ROCK2: variants seen among roughly 807,000 people sequenced by gnomAD.
ROCK2 encodes Rho associated coiled-coil containing protein kinase 2.
A neutral mutation model predicts 195.1 loss-of-function variants in ROCK2; 61 were observed. The observed-to-expected ratio is 0.31, with a 90% CI of 0.25 to 0.39. The LOEUF is 0.39. ROCK2 is among the 10% of genes least tolerant of loss of function. The probability of loss-of-function intolerance (pLI) is 1.00; values close to 1 mark genes in which losing one functional copy is unlikely to be tolerated. For synonymous variants in ROCK2, 504 were observed against 545.5 expected, an observed-to-expected ratio of 0.92 and a Z score of 1.06; for missense variants, 1,109 against 1,637.4, an observed-to-expected ratio of 0.68 and a Z score of 5.57.
intron 3 of ROCK2, among the ~76,000 whole-genome samples, chr2:11,250,031 C>G (rs1293698163): frequency 3.3e-5 from 5 of 152,106 alleles, no homozygotes; most frequent in Admixed American, 3.3e-4. Context: ...ATATACAACT[C>G]TCTCATTTCA....
intron 3 of ROCK2, among the ~76,000 whole-genome samples, chr2:11,265,280 G>T (rs1373611386): frequency 6.6e-6 from 1 of 151,908 alleles, no homozygotes. Context: ...TTCAGAAATG[G>T]GCAAGTTGGA....
chr2:11,185,148 T>C (rs1007013417), intron 32 of ROCK2, among the ~76,000 whole-genome samples: 5 of 152,218 alleles, frequency 3.3e-5, no homozygotes, highest in African/African-American at 1.2e-4. Context: ...AGTGGTCAGA[T>C]TGTCAGCTCA....
intron 1 of ROCK2, among the ~76,000 whole-genome samples, chr2:11,341,919 T>C (rs1572432927): frequency 6.6e-6 from 1 of 152,170 alleles, no homozygotes; most frequent in Non-Finnish European, 1.5e-5. Context: ...ATAGTGGTGA[T>C]GGCTGCACAA....
intron 3 of ROCK2, among the ~76,000 whole-genome samples, chr2:11,280,409 A>AT (rs1284879697): frequency 1.3e-5 from 2 of 150,784 alleles, no homozygotes; most frequent in East Asian, 3.9e-4. Flanking sequence ...GGATCACCTG[A>AT]GTTCAGGAGT....
At chr2:11,277,821 T>C (rs868299499) in intron 3 of ROCK2, among the ~76,000 whole-genome samples, 20 of 152,344 alleles carry the variant, frequency 1.3e-4, no homozygotes, top group African/African-American at 4.6e-4. Context: ...TATGACTTCT[T>C]TTCCTCTGGG....
intron 4 of ROCK2, 61 bp downstream of exon 4, chr2:11,249,600 T>G: frequency 7.7e-7 from 1 of 1,294,098 alleles, no homozygotes; most frequent in South Asian, 2.5e-5. Flanking sequence ...AAAAATCAAC[T>G]CATGAATAAT....
At chr2:11,344,860 C>T, upstream of ROCK2, among the ~76,000 whole-genome samples, 1 of 150,768 alleles carries the variant, frequency 6.6e-6, no homozygotes, top group Non-Finnish European at 1.5e-5. The surrounding 1 kb of genome is among the most constrained non-coding windows in gnomAD (Gnocchi z 5.4). Flanking sequence ...AATAGCCGGG[C>T]GCGCGGTCAC....
chr2:11,224,552 G>A (rs1481412134), intron 6 of ROCK2, 92 bp from the exon 7 acceptor site: 12 of 1,147,474 alleles, frequency 1.0e-5, no homozygotes, highest in Admixed American at 2.1e-5. Flanking sequence ...GTTTAAATTT[G>A]TCACATGCAG....
chr2:11,326,920 C>T (rs1572412272), intron 1 of ROCK2, among the ~76,000 whole-genome samples: 1 of 152,032 alleles, frequency 6.6e-6, no homozygotes, highest in Non-Finnish European at 1.5e-5. Context: ...GGAGACCATC[C>T]GGGGAGGATA....
At chr2:11,311,584 A>C (rs1284371078) in intron 1 of ROCK2, among the ~76,000 whole-genome samples, 4 of 152,230 alleles carry the variant, frequency 2.6e-5, no homozygotes, top group Non-Finnish European at 5.9e-5. Flanking sequence ...TCAATTACTG[A>C]ATAGATTAAG....
intron 1 of ROCK2, among the ~76,000 whole-genome samples, chr2:11,288,898 C>G (rs1667280083): frequency 1.3e-5 from 2 of 151,940 alleles, no homozygotes; most frequent in Admixed American, 6.6e-5. Context: ...ACAGTGACAC[C>G]CTGTCTCTGA....
intron 29 of ROCK2, 46 bp from the exon 30 acceptor site, chr2:11,193,903 A>T: frequency 9.6e-7 from 1 of 1,036,876 alleles, no homozygotes; most frequent in East Asian, 2.5e-5. Context: ...CCCAAGGATC[A>T]AATTATATAT....
chr2:11,192,205 A>T lies in ROCK2; in HGVS notation c.4106T>A (p.Ile1369Lys). 1 of 1,613,338 alleles carries T rather than the reference A, an allele frequency of 6.2e-7. No individual in the cohort carries two copies. The highest frequency in any genetic ancestry group is 8.5e-7 in the Non-Finnish European group (1 of 1,179,804). Residue 1369 changes from isoleucine to lysine, a missense_variant, in exon 32 of 33, where the codon ATA (isoleucine) becomes AAA (lysine). Ile to Lys is a moderately radical substitution (Grantham distance 102). This residue lies in a region of ROCK2 where 221 missense variants were observed against 355.1 expected (regional missense o/e 0.62). Coordinates refer to ENST00000315872, the MANE Select transcript of ROCK2 (RefSeq NM_004850.5). The surrounding 1 kb of genome is among the most constrained non-coding windows in gnomAD (Gnocchi z 5.0). Reference sequence around the variant, plus strand: ...CCGTCTAATAGACTGGTTTTGCTGTATCTTCATTGAAGTTCTAGGAGATGA... The same window carrying T: ...CCGTCTAATAGACTGGTTTTGCTGTTTCTTCATTGAAGTTCTAGGAGATGA... ...ARSSPRTSMK[I>K]QQNQSIRRPS...
chr2:11,211,720 A>T lies in ROCK2; in HGVS notation c.2164T>A (p.Tyr722Asn), dbSNP rs1664253706. ...GATTTGGCTTCTTCGATGGACTCATAGATCTTATTTTTATCTGCTAGTCGT... is the reference window on the plus strand; with the variant it reads ...GATTTGGCTTCTTCGATGGACTCATTGATCTTATTTTTATCTGCTAGTCGT... ...KARLADKNKI[Y>N]ESIEEAKSEA... The change falls in exon 18 of 33, where the codon TAT becomes AAT. Residue 722 changes from tyrosine to asparagine, a missense_variant. Transcript: ENST00000315872. 1 of 1,613,122 alleles carries T rather than the reference A, an allele frequency of 6.2e-7. No individual in the cohort carries two copies. The highest frequency in any genetic ancestry group is 8.5e-7 in the Non-Finnish European group (1 of 1,179,568).
chr2:11,335,115 ACACAC>A (rs1668887761), intron 1 of ROCK2, among the ~76,000 whole-genome samples: 1 of 41,740 alleles, frequency 2.4e-5, no homozygotes, highest in Admixed American at 3.2e-4. Flanking sequence ...TGATACACAC[ACACAC>A]ACACACACAC....
intron 1 of ROCK2, among the ~76,000 whole-genome samples, chr2:11,325,162 G>T (rs781130567): frequency 5.3e-5 from 8 of 152,220 alleles, no homozygotes; most frequent in Non-Finnish European, 1.2e-4. Context: ...TTTATAAGTA[G>T]ATTTTTTTTC....
chr2:11,267,572 T>C (rs1262463490), intron 3 of ROCK2, among the ~76,000 whole-genome samples: 1 of 151,800 alleles, frequency 6.6e-6, no homozygotes, highest in Non-Finnish European at 1.5e-5. Flanking sequence ...ATAACAAAGC[T>C]TCATTGCTTT....
At chr2:11,290,559 G>A (rs541959573) in intron 1 of ROCK2, among the ~76,000 whole-genome samples, 25 of 152,084 alleles carry the variant, frequency 1.6e-4, no homozygotes, top group African/African-American at 4.1e-4. Flanking sequence ...GTTTCCAACC[G>A]TACAGAAATG....
At chr2:11,321,539 T>C (rs74981580) in intron 1 of ROCK2, among the ~76,000 whole-genome samples, 1 of 151,810 alleles carries the variant, frequency 6.6e-6, no homozygotes, top group African/African-American at 2.4e-5. Flanking sequence ...TAGTCTCAAA[T>C]AAATAAACCT....
Sources: gnomAD v4.1 joint callset for allele counts (sites outside exome capture counted in the v4.1 genomes callset) on GRCh38, gnomAD v4.1.1 for gene constraint, gnomAD v4.1.1 regional missense constraint, Gnocchi (gnomAD v3.1) non-coding constraint, MANE v1.5 for transcripts, NCBI Gene and HGNC (gene_info 2026-07-23, HGNC 2026-07-21) for gene names.